POGLUT3: variants seen among roughly 807,000 people sequenced by gnomAD.
POGLUT3 encodes the protein KDEL (Lys-Asp-Glu-Leu) containing 2.
POGLUT3 carries 48 observed loss-of-function variants against 54.3 expected under a neutral mutation model. The observed-to-expected ratio is 0.88, with a 90% confidence interval of 0.70 to 1.12. POGLUT3 has a LOEUF of 1.12. Among genes scored for constraint, POGLUT3 ranks in the 50% most tolerant of loss-of-function variants. POGLUT3 has a pLI of 0.00. For synonymous variants in POGLUT3, 218 were observed against 237.4 expected, an observed-to-expected ratio of 0.92 and a Z score of 0.75; for missense variants, 629 against 618.7, an observed-to-expected ratio of 1.02 and a Z score of -0.18.
chr11:108,475,824 G>T (rs2093580722), intron 7 of POGLUT3, among the ~76,000 whole-genome samples: 1 of 151,882 alleles, frequency 6.6e-6, no homozygotes, highest in South Asian at 2.1e-4. Flanking sequence ...TATATTCCTG[G>T]TACTGGACCA....
intron 2 of POGLUT3, among the ~76,000 whole-genome samples, chr11:108,488,977 C>A (rs998308406): frequency 2.6e-5 from 4 of 152,136 alleles, no homozygotes; most frequent in African/African-American, 9.7e-5. Flanking sequence ...CTACACATGG[C>A]TCTAGTCCCA....
intron 7 of POGLUT3, among the ~76,000 whole-genome samples, chr11:108,476,659 C>G (rs2093582384): frequency 6.6e-6 from 1 of 152,142 alleles, no homozygotes; most frequent in Non-Finnish European, 1.5e-5. Flanking sequence ...AACATAATTT[C>G]CTTTTTTTAT....
Position 108,474,558 on chromosome 11 carries a change from GT to G in POGLUT3, c.*268del. ...TATATAAAATATAAATGAATTTTGT[GT>G]TTAGACTTGGATCTCATCCCCAAGA... On this transcript the variant is annotated 3_prime_UTR_variant, in exon 8 of 8. Transcript: ENST00000323468. 4.2e-6 allele frequency: 1 copy of G among 238,414 alleles called. No homozygotes were observed. Among genetic ancestry groups the G allele is most frequent in the Non-Finnish European group, 8.1e-6 (1 of 123,862 alleles). 14.8% of individuals were successfully genotyped at this position (238,414 alleles called of 1,614,324 possible).
At chr11:108,476,443 T>TA (rs1197500262) in intron 7 of POGLUT3, among the ~76,000 whole-genome samples, 4 of 152,020 alleles carry the variant, frequency 2.6e-5, no homozygotes, top group Non-Finnish European at 4.4e-5. Context: ...AAGAAATTGT[T>TA]AAAAAAACTG....
At chr11:108,478,770 A>G (rs2093587080) in intron 6 of POGLUT3, among the ~76,000 whole-genome samples, 2 of 152,220 alleles carry the variant, frequency 1.3e-5, no homozygotes, top group African/African-American at 4.8e-5. Context: ...ATCTTAGTAT[A>G]AAGTCTCATA....
intron 5 of POGLUT3, 81 bp downstream of exon 5, chr11:108,481,099 T>C (rs1223006273): frequency 9.4e-7 from 1 of 1,064,622 alleles, no homozygotes; most frequent in Non-Finnish European, 1.4e-6. Flanking sequence ...CAGGTGAAAT[T>C]TGCTGAAGCC....
Position 108,490,982 on chromosome 11 carries a change from A to G in POGLUT3, c.388T>C (p.Tyr130His), listed in dbSNP as rs377642857. ...YGDEHVAQSPYILKGPVYHEY... is the reference protein window; with the variant it reads ...YGDEHVAQSPHILKGPVYHEY... ...AATAATCACTTACCTTTCAAAATAT[A>G]GGGAGACTGAGCCACATGTTCATCA... The change falls in exon 2 of 8, where the codon TAT (tyrosine) becomes CAT (histidine). Residue 130 changes from tyrosine (Y) to histidine (H), a missense_variant. Physicochemically the swap from Tyr to His is moderately conservative, Grantham distance 83 (BLOSUM62 2). Coordinates refer to ENST00000323468, the MANE Select transcript of POGLUT3 (RefSeq NM_153705.5). The G allele has an allele frequency of 4.2e-5, 68 of 1,613,566 alleles. No homozygotes were observed. In the African/African-American group the frequency reaches 8.5e-4, roughly 20 times the overall value.
At chr11:108,481,940 A>G (rs1482228734) in intron 4 of POGLUT3, 66 bp downstream of exon 4, 30 of 1,228,574 alleles carry the variant, frequency 2.4e-5, no homozygotes, top group Non-Finnish European at 3.5e-5. Flanking sequence ...ATGCAAACAT[A>G]TATGTATAAC....
chr11:108,474,636 T>A lies in POGLUT3; in HGVS notation c.*191A>T. On this transcript the variant is annotated 3_prime_UTR_variant, in exon 8 of 8. Coordinates refer to ENST00000323468, the MANE Select transcript of POGLUT3 (RefSeq NM_153705.5). ...CCCAAATCTTAAAAAATCTGAAGCC[T>A]GAAACACTCCTGGTCCTAAGCATTT... is the stretch of plus-strand genomic sequence containing the variant. 2.2e-6 allele frequency: 1 copy of A among 452,210 alleles called. No homozygotes were observed. Among genetic ancestry groups the A allele is most frequent in the Non-Finnish European group, 3.8e-6 (1 of 263,824 alleles). The allele number at this position is 452,210 out of a possible 1,614,324, so 28.0% of individuals were successfully genotyped here.
chr11:108,496,366 A>C (rs1201997165), intron 1 of POGLUT3, among the ~76,000 whole-genome samples: 1 of 152,044 alleles, frequency 6.6e-6, no homozygotes. Context: ...AAATAATAAT[A>C]TTCTGTGACT....
rs1300207031 is a variant in POGLUT3, at chr11:108,474,426, T to C, written c.*401A>G. 1 of 152,508 alleles carries C rather than the reference T, an allele frequency of 6.6e-6. No individual in the cohort carries two copies. The highest frequency in any genetic ancestry group is 2.4e-5 in the African/African-American group (1 of 41,466). The allele number at this position is 152,508 out of a possible 1,614,324, so 9.4% of individuals were successfully genotyped here. On this transcript the variant is annotated 3_prime_UTR_variant, in exon 8 of 8. Transcript: ENST00000323468. ...GACACCACCACTTGGGTCGCTAAGA[T>C]AGTGACACCTTTGCTTTCTGACAGT... is the stretch of plus-strand genomic sequence containing the variant.
chr11:108,478,765 A>C (rs1201707171), intron 6 of POGLUT3, among the ~76,000 whole-genome samples: 1 of 152,236 alleles, frequency 6.6e-6, no homozygotes, highest in African/African-American at 2.4e-5. Flanking sequence ...TTAGAATCTT[A>C]GTATAAAGTC....
In POGLUT3 at chr11:108,486,272, C is replaced by G; in HGVS notation, c.569G>C (p.Arg190Thr). 1 of 1,614,150 alleles carries G rather than the reference C, an allele frequency of 6.2e-7. No individual in the cohort carries two copies. Among genetic ancestry groups the G allele is most frequent in the Non-Finnish European group, 8.5e-7 (1 of 1,180,014 alleles). Residue 190 changes from arginine (R) to threonine (T), a missense_variant, in exon 3 of 8, where the codon AGA becomes ACA. By Grantham distance (71) the Arg-to-Thr change is moderately conservative (BLOSUM62 -1). Coordinates refer to ENST00000323468, the MANE Select transcript of POGLUT3 (RefSeq NM_153705.5). ...AATCGTGTAATGAACAATGGCACCT[C>G]TCTCATCCCCAAACCTTTTGGGGAC... ...KEVPKRFGDE[R>T]GAIVHYTILN...
chr11:108,495,028 T>C (rs775483222), intron 1 of POGLUT3, among the ~76,000 whole-genome samples: 4 of 152,236 alleles, frequency 2.6e-5, no homozygotes, highest in Admixed American at 6.5e-5. Flanking sequence ...GTTTGAGATG[T>C]CCTGCTTTAG....
At chr11:108,498,132 G>C in intron 1 of POGLUT3, 33 bp downstream of exon 1, 1 of 1,477,768 alleles carries the variant, frequency 6.8e-7, no homozygotes. Context: ...GGACCCGGCC[G>C]CGGGACGAGG....
chr11:108,498,277 C>A lies in POGLUT3; in HGVS notation c.90G>T (p.Pro30=), dbSNP rs1243445827. ...GCCCGGGCCCCCACACCAGGCTCCG[C>A]GGCGCGCTGACCAGCACCTCCGGGG... ...AGAPEVLVSA[P]RSLVWGPGLQ... Residue 30 remains proline, a synonymous_variant, in exon 1 of 8, where the codon CCG becomes CCT. Transcript: ENST00000323468. The A allele has an allele frequency of 4.0e-6, 6 of 1,491,814 alleles. No individual in the cohort carries two copies. The highest frequency in any genetic ancestry group is 5.4e-6 in the Non-Finnish European group (6 of 1,120,556). 92.4% of individuals were successfully genotyped at this position (1,491,814 alleles called of 1,614,324 possible). A position where few individuals can be genotyped will look rare whatever the true frequency, so the allele number is the denominator to read the frequency against.
At chr11:108,489,431 A>C (rs575779694) in intron 2 of POGLUT3, among the ~76,000 whole-genome samples, 2 of 152,338 alleles carry the variant, frequency 1.3e-5, no homozygotes, top group East Asian at 1.9e-4. Context: ...CAAGGCACAT[A>C]ATAATCAAAC....
At chr11:108,482,866 T>C (rs1285601954) in intron 3 of POGLUT3, among the ~76,000 whole-genome samples, 2 of 152,198 alleles carry the variant, frequency 1.3e-5, no homozygotes, top group African/African-American at 4.8e-5. Context: ...AGCAAGAGAA[T>C]CTACAAAGTT....
rs747909024 is a variant in POGLUT3 at position 108,477,652 on chromosome 11, T to G, written c.1353A>C (p.Leu451=). The G allele has an allele frequency of 6.2e-7, 1 of 1,613,468 alleles. No homozygotes were observed. Among genetic ancestry groups the G allele is most frequent in the South Asian group, 1.1e-5 (1 of 91,066 alleles). ...AKEGQLMARD[L]LQPHRLYCYY... Reference sequence around the variant, plus strand: ...AGCAGTAAAGCCTGTGTGGCTGTAGTAGGTCCCTAGCCATCAACTGTCCTT... The same window carrying G: ...AGCAGTAAAGCCTGTGTGGCTGTAGGAGGTCCCTAGCCATCAACTGTCCTT... Residue 451 remains leucine (L), a synonymous_variant, in exon 7 of 8, where the codon CTA becomes CTC. Transcript: ENST00000323468.
Sources: gnomAD v4.1 joint callset for allele counts (sites outside exome capture counted in the v4.1 genomes callset) on GRCh38, gnomAD v4.1.1 for gene constraint, MANE v1.5 for transcripts, NCBI Gene and HGNC (gene_info 2026-07-23, HGNC 2026-07-21) for gene names.